EPB41L3: variants seen among roughly 807,000 people sequenced by gnomAD.
EPB41L3 encodes band 4.1-like protein 3.
In EPB41L3, 57 loss-of-function variants were observed where a neutral mutation model predicts 127.1. The observed-to-expected ratio is 0.45, with a 90% CI of 0.36 to 0.56. The LOEUF (loss-of-function observed/expected upper bound fraction) is 0.56. Among genes scored for constraint, EPB41L3 ranks in the 20% least tolerant of loss-of-function variants. The pLI, the probability that EPB41L3 is intolerant of heterozygous loss-of-function variation, is 0.00. For missense variants in EPB41L3, 1,273 were observed against 1,372.2 expected, an observed-to-expected ratio of 0.93 and a Z score of 1.14; for synonymous variants, 572 against 549.5, an observed-to-expected ratio of 1.04 and a Z score of -0.57.
In EPB41L3 at chr18:5,410,616, C is replaced by T. The variant is rs1356692232; in HGVS notation, c.2071G>A (p.Asp691Asn). Residue 691 changes from aspartate to asparagine, a missense_variant, in exon 14 of 23, where the codon GAC becomes AAC. By Grantham distance (23) the Asp-to-Asn change is conservative (BLOSUM62 1). This residue lies in a region of EPB41L3 where 765 missense variants were observed against 782.9 expected (regional missense o/e 0.98). Transcript: ENST00000341928. ...GCTGCGGTGTCCGTGCGCTCACTGTCAGTCTGTTGACCACAGAAGTGATCA... is the reference window on the plus strand; with the variant it reads ...GCTGCGGTGTCCGTGCGCTCACTGTTAGTCTGTTGACCACAGAAGTGATCA... The part of the protein sequence containing the change: ...DPSDSSEEET[D>N]SERTDTAADG... 1 of 1,613,252 alleles carries T rather than the reference C, an allele frequency of 6.2e-7. No homozygotes were observed. The highest frequency in any genetic ancestry group is 1.3e-5 in the African/African-American group (1 of 74,910).
chr18:5,531,029 A>C (rs9945267), intron 1 of EPB41L3, among the ~76,000 whole-genome samples: 5,711 of 152,300 alleles, frequency 0.037, 149 homozygotes, highest in East Asian at 0.09. Flanking sequence ...CTTCCCCTGA[A>C]TGCTTTCCAG....
intron 2 of EPB41L3, among the ~76,000 whole-genome samples, chr18:5,488,600 A>G (rs186644923): frequency 1.8e-4 from 27 of 151,888 alleles, no homozygotes; most frequent in Admixed American, 1.5e-3. Flanking sequence ...TAATAATAAT[A>G]ATAATAAAAG....
At chr18:5,565,787 C>T (rs181635633) in intron 3 of EPB41L3, among the ~76,000 whole-genome samples, 45 of 151,946 alleles carry the variant, frequency 3.0e-4, no homozygotes, top group African/African-American at 1.0e-3. Context: ...TCACCCATGT[C>T]CCTGCAAAAG....
intron 1 of EPB41L3, among the ~76,000 whole-genome samples, chr18:5,513,511 C>T (rs2092629529): frequency 6.6e-6 from 1 of 152,180 alleles, no homozygotes; most frequent in South Asian, 2.1e-4. Flanking sequence ...TGCACACTGT[C>T]CATTGGTCTT....
chr18:5,596,332 G>A (rs560455306), intron 3 of EPB41L3, among the ~76,000 whole-genome samples: 1 of 152,300 alleles, frequency 6.6e-6, no homozygotes, highest in Non-Finnish European at 1.5e-5. Flanking sequence ...TAAGGCTGAC[G>A]TGCTGGTCAG....
intron 3 of EPB41L3, among the ~76,000 whole-genome samples, chr18:5,454,199 TTG>T (rs1276401554): frequency 6.7e-6 from 1 of 150,220 alleles, no homozygotes; most frequent in East Asian, 2.0e-4. Flanking sequence ...TGTTTTTTTT[TTG>T]TTTCCTTGTT....
intron 1 of EPB41L3, among the ~76,000 whole-genome samples, chr18:5,531,731 C>CAAAA (rs57625472): frequency 0.18 from 12,229 of 67,348 alleles, 804 homozygotes; most frequent in Middle Eastern, 0.23. Context: ...GACCCTGTCT[C>CAAAA]AAAAAAAAAA....
intron 3 of EPB41L3, among the ~76,000 whole-genome samples, chr18:5,601,774 C>G (rs1342645771): frequency 2.6e-5 from 4 of 152,154 alleles, no homozygotes; most frequent in South Asian, 2.1e-4. Context: ...AACAAATTTT[C>G]TTTGATGTTT....
upstream of EPB41L3, among the ~76,000 whole-genome samples, chr18:5,629,709 A>G (rs145566215): frequency 9.2e-5 from 14 of 152,134 alleles, no homozygotes; most frequent in African/African-American, 3.1e-4. Context: ...AGGGAGCACT[A>G]GAGAGAGAGC....
At chr18:5,430,286 T>C (rs1367190646) in intron 8 of EPB41L3, among the ~76,000 whole-genome samples, 1 of 152,170 alleles carries the variant, frequency 6.6e-6, no homozygotes, top group African/African-American at 2.4e-5. Context: ...CTACCACTTG[T>C]CTTCCTTCTC....
chr18:5,587,381 C>T (rs1254881673), intron 3 of EPB41L3, among the ~76,000 whole-genome samples: 1 of 152,120 alleles, frequency 6.6e-6, no homozygotes, highest in Non-Finnish European at 1.5e-5. Context: ...TCACATAACT[C>T]TTATTAGAAT....
chr18:5,418,556 AG>A (rs1200976352), intron 12 of EPB41L3, among the ~76,000 whole-genome samples: 7 of 152,214 alleles, frequency 4.6e-5, no homozygotes, highest in Non-Finnish European at 8.8e-5. Context: ...CTGAACAGAC[AG>A]GAAGAGTGTA....
intron 16 of EPB41L3, 54 bp from the exon 17 acceptor site, chr18:5,398,197 G>A (rs2073906977): frequency 6.2e-7 from 1 of 1,602,298 alleles, no homozygotes; most frequent in African/African-American, 1.3e-5. Flanking sequence ...ACAAACTCAG[G>A]CACATAAACA....
intron 3 of EPB41L3, among the ~76,000 whole-genome samples, chr18:5,549,520 CA>C (rs2093933368): frequency 6.6e-6 from 1 of 152,178 alleles, no homozygotes; most frequent in Non-Finnish European, 1.5e-5. Context: ...CAGAGTTTCT[CA>C]AACTGGCTTA....
At chr18:5,573,948 T>C (rs958417770) in intron 3 of EPB41L3, among the ~76,000 whole-genome samples, 1 of 151,630 alleles carries the variant, frequency 6.6e-6, no homozygotes, top group Non-Finnish European at 1.5e-5. Flanking sequence ...TCTGGCTCTG[T>C]TGCCCAGGCT....
At chr18:5,394,827 A>G (rs755261359) in intron 21 of EPB41L3, 34 bp from the exon 22 acceptor site, 27 of 1,599,818 alleles carry the variant, frequency 1.7e-5, no homozygotes, top group Non-Finnish European at 2.3e-5. Context: ...GGCAGAAACA[A>G]AAAGGAGGTG....
chr18:5,427,750 A>T (rs77791276), intron 9 of EPB41L3, among the ~76,000 whole-genome samples: 7,305 of 147,540 alleles, frequency 0.05, 244 homozygotes, highest in African/African-American at 0.091. Context: ...TGATACTGGA[A>T]TTTTTTTTTT....
intron 16 of EPB41L3, among the ~76,000 whole-genome samples, chr18:5,405,599 G>A (rs1304712526): frequency 6.6e-6 from 1 of 151,972 alleles, no homozygotes; most frequent in East Asian, 1.9e-4. Context: ...AGATCAGCCT[G>A]ACCAACATGT....
chr18:5,431,229 T>G (rs188851769), intron 8 of EPB41L3: 18 of 152,354 alleles, frequency 1.2e-4, no homozygotes, highest in African/African-American at 4.1e-4. Context: ...AATATGGGTA[T>G]TTATTCTTCA....
Sources: allele counts gnomAD v4.1 joint callset (sites outside exome capture counted in the v4.1 genomes callset), GRCh38; gene constraint gnomAD v4.1.1; regional missense constraint gnomAD v4.1.1; transcripts MANE v1.5; gene names NCBI Gene and HGNC (gene_info 2026-07-23, HGNC 2026-07-21).